Variants in ESR1 observed in about 807,000 individuals in gnomAD.
ESR1 encodes the protein estrogen receptor.
A neutral mutation model predicts 52.7 loss-of-function variants in ESR1; 12 were observed. The observed-to-expected ratio is 0.23, with a 90% CI of 0.15 to 0.37. The LOEUF (loss-of-function observed/expected upper bound fraction) is 0.37, where lower values mean the gene tolerates loss of function less well. ESR1 is among the 10% of genes least tolerant of loss of function. ESR1 has a pLI of 1.00. For synonymous variants in ESR1, 305 were observed against 316.8 expected, an observed-to-expected ratio of 0.96 and a Z score of 0.39; for missense variants, 584 against 779.7, an observed-to-expected ratio of 0.75 and a Z score of 2.99.
chr6:151,746,530 G>T (rs1446036225), intron 2 of ESR1, among the ~76,000 whole-genome samples: 1 of 152,120 alleles, frequency 6.6e-6, no homozygotes, highest in East Asian at 1.9e-4. Flanking sequence ...CAGGGAAAAG[G>T]CATCAATCAA....
intron 2 of ESR1, among the ~76,000 whole-genome samples, chr6:151,735,000 TTTG>T (rs1181038453): frequency 2.0e-5 from 3 of 152,212 alleles, no homozygotes; most frequent in Admixed American, 6.5e-5. Context: ...TCATTATGAC[TTTG>T]TTAAGTCATT....
At chr6:151,720,360 C>T (rs1193262053) in intron 2 of ESR1, among the ~76,000 whole-genome samples, 2 of 152,124 alleles carry the variant, frequency 1.3e-5, no homozygotes, top group Admixed American at 6.5e-5. Flanking sequence ...TATCCCTTTG[C>T]CTTCATGCTT....
intron 2 of ESR1, among the ~76,000 whole-genome samples, chr6:151,757,141 C>A (rs1644264614): frequency 6.6e-6 from 1 of 151,978 alleles, no homozygotes. Flanking sequence ...AACTGTCTAA[C>A]CTCCCTACTC....
In ESR1 at chr6:151,877,625, C is replaced by T. The variant is rs555421420; in HGVS notation, c.644-3030C>T. On this transcript the variant is annotated intron_variant, in intron 2 of 7. Coordinates refer to ENST00000206249, the MANE Select transcript of ESR1 (RefSeq NM_000125.4). The stretch of plus-strand genomic sequence containing the variant: ...TTGGTTCTACAAAGATACATATCTA[C>T]AGTGGATGGCCAGTGCAAACATGAG... Among the ~76,000 whole-genome samples, 6 of 152,246 alleles carry T rather than the reference C, an allele frequency of 3.9e-5. No homozygotes were observed. In the East Asian group the frequency reaches 9.6e-4, roughly 24 times the overall value.
intron 2 of ESR1, among the ~76,000 whole-genome samples, chr6:151,755,221 A>ACAAAAACCAAAACCAAAAC (rs1583139559): frequency 6.6e-6 from 1 of 150,568 alleles, no homozygotes; most frequent in East Asian, 1.9e-4. Flanking sequence ...AAAAAAAAAA[A>ACAAAAACCAAAACCAAAAC]CAAAAACCAA....
intron 5 of ESR1, among the ~76,000 whole-genome samples, chr6:152,026,785 A>C (rs1173596980): frequency 6.6e-6 from 1 of 152,110 alleles, no homozygotes; most frequent in Non-Finnish European, 1.5e-5. Context: ...TTAGCTAGTA[A>C]CTTAATTCCT....
chr6:151,785,474 A>G (rs1786932511), intron 2 of ESR1, among the ~76,000 whole-genome samples: 1 of 152,188 alleles, frequency 6.6e-6, no homozygotes, highest in Admixed American at 6.5e-5. Context: ...GAGAAAGCCC[A>G]TTAATATCTC....
intron 5 of ESR1, among the ~76,000 whole-genome samples, chr6:152,014,135 C>G (rs982665639): frequency 1.3e-5 from 2 of 152,130 alleles, no homozygotes; most frequent in African/African-American, 4.8e-5. Context: ...CTCCTTCTTC[C>G]CCATGATTGT....
intron 2 of ESR1, among the ~76,000 whole-genome samples, chr6:151,879,485 A>T (rs977406453): frequency 2.0e-5 from 3 of 152,128 alleles, no homozygotes; most frequent in Non-Finnish European, 2.9e-5. Flanking sequence ...GTTAGAGAGC[A>T]TGTGGGGCAA....
intron 4 of ESR1, among the ~76,000 whole-genome samples, chr6:152,008,260 C>T (rs935262754): frequency 5.9e-5 from 9 of 152,128 alleles, no homozygotes; most frequent in Non-Finnish European, 1.2e-4. Context: ...GACCCAGGAA[C>T]TTGCAGAGCA....
intron 4 of ESR1, among the ~76,000 whole-genome samples, chr6:151,995,155 C>T (rs2128725402): frequency 6.6e-6 from 1 of 152,258 alleles, no homozygotes; most frequent in Admixed American, 6.5e-5. Context: ...GCATGAAAAG[C>T]AGCCCCTAGG....
intron 2 of ESR1, among the ~76,000 whole-genome samples, chr6:151,750,845 G>C (rs573531301): frequency 3.0e-4 from 45 of 152,130 alleles, no homozygotes; most frequent in Non-Finnish European, 5.4e-4. Flanking sequence ...ACAAAAGTCA[G>C]AGTTCAAACT....
chr6:151,770,890 T>A (rs1329697952), intron 2 of ESR1, among the ~76,000 whole-genome samples: 1 of 151,688 alleles, frequency 6.6e-6, no homozygotes, highest in Non-Finnish European at 1.5e-5. Flanking sequence ...GCAAAAAAAA[T>A]AAGAAACTAA....
At chr6:151,892,563 G>C (rs546917901) in intron 3 of ESR1, among the ~76,000 whole-genome samples, 1 of 150,084 alleles carries the variant, frequency 6.7e-6, no homozygotes, top group East Asian at 1.9e-4. Context: ...AGTTTGTTGA[G>C]GCAGGACTCT....
upstream of ESR1, among the ~76,000 whole-genome samples, chr6:151,803,478 C>T (rs56999131): frequency 2.8e-4 from 42 of 152,076 alleles, no homozygotes; most frequent in Admixed American, 1.4e-3. Flanking sequence ...AGGTTACAGT[C>T]GGAGGAGATG....
intron 6 of ESR1, among the ~76,000 whole-genome samples, chr6:152,089,620 C>A (rs1362881159): frequency 6.6e-6 from 1 of 152,176 alleles, no homozygotes; most frequent in Admixed American, 6.5e-5. Context: ...ACTCTGTCAC[C>A]CAGGCTAGAG....
At chr6:151,772,029 A>G (rs1785562837) in intron 2 of ESR1, among the ~76,000 whole-genome samples, 1 of 152,210 alleles carries the variant, frequency 6.6e-6, no homozygotes, top group African/African-American at 2.4e-5. Flanking sequence ...GAACAGCTCA[A>G]CCTTCCCACC....
Position 151,968,781 on chromosome 6 carries a change from G to T in ESR1, c.1096+24273G>T, listed in dbSNP as rs926239506. On this transcript the variant is annotated intron_variant, in intron 4 of 7. Coordinates refer to ENST00000206249, the MANE Select transcript of ESR1 (RefSeq NM_000125.4). Reference sequence around the variant, plus strand: ...GTCAGTGGATGGAGCATTTCCTCTCGCAGGCACACCTTCAGGCTGGTGGGA... The same window carrying T: ...GTCAGTGGATGGAGCATTTCCTCTCTCAGGCACACCTTCAGGCTGGTGGGA... Among the ~76,000 whole-genome samples, 4 of 152,038 alleles carry T rather than the reference G, an allele frequency of 2.6e-5. No homozygotes were observed. The East Asian group carries it at 5.8e-4, about 22-fold the overall frequency.
chr6:152,001,892 C>T (rs2041975516), intron 4 of ESR1, among the ~76,000 whole-genome samples: 1 of 151,844 alleles, frequency 6.6e-6, no homozygotes, highest in African/African-American at 2.4e-5. Flanking sequence ...CTGAATTAAC[C>T]CCCCATGTGC....
Sources: allele counts gnomAD v4.1 joint callset (sites outside exome capture counted in the v4.1 genomes callset), GRCh38; gene constraint gnomAD v4.1.1; transcripts MANE v1.5; gene names NCBI Gene and HGNC (gene_info 2026-07-23, HGNC 2026-07-21).